The following MTHFD2L variants were observed in gnomAD, a reference collection of about 807,000 sequenced individuals.
The protein encoded by MTHFD2L is bifunctional methylenetetrahydrofolate dehydrogenase/cyclohydrolase 2, mitochondrial.
In MTHFD2L, 29 loss-of-function variants were observed where a neutral mutation model predicts 34.9. That is an observed-to-expected ratio of 0.83 (90% CI 0.62 to 1.13). MTHFD2L has a LOEUF of 1.13. Among genes scored for constraint, MTHFD2L ranks in the 50% most tolerant of loss-of-function variants. MTHFD2L has a pLI of 0.00. For synonymous variants in MTHFD2L, 167 were observed against 155.7 expected, an observed-to-expected ratio of 1.07 and a Z score of -0.54; for missense variants, 481 against 446.5, an observed-to-expected ratio of 1.08 and a Z score of -0.70.
intron 3 of MTHFD2L, chr4:74,194,821 C>T (rs1039472843): frequency 6.6e-6 from 1 of 151,626 alleles, no homozygotes; most frequent in African/African-American, 2.4e-5. Flanking sequence ...GTTTCTGTAC[C>T]TCACTTCTGA....
chr4:74,212,359 C>T (rs574885863), intron 5 of MTHFD2L, among the ~76,000 whole-genome samples: 1 of 152,304 alleles, frequency 6.6e-6, no homozygotes, highest in African/African-American at 2.4e-5. Context: ...CTAAAGACCA[C>T]ATTAGCTGTG....
At chr4:74,284,494 G>A (rs983534488) in intron 7 of MTHFD2L, among the ~76,000 whole-genome samples, 9 of 150,966 alleles carry the variant, frequency 6.0e-5, no homozygotes, top group Admixed American at 1.3e-4. Flanking sequence ...AGAAGTGTCC[G>A]TTAATATCCT....
upstream of MTHFD2L, chr4:74,157,439 A>T: frequency 1.7e-5 from 6 of 353,572 alleles, no homozygotes; most frequent in South Asian, 1.3e-4. Flanking sequence ...TTTCAGAGGG[A>T]GCAGATATTT....
rs1560531845 is a variant in MTHFD2L at position 74,251,652 on chromosome 4, C to T, written c.805+26258C>T. On this transcript the variant is annotated intron_variant, in intron 6 of 7. Transcript: ENST00000325278. ...TGCCTGAAAAACATGCCCTCACTGC[C>T]ACAAGCCAGGCTAAGTATCCCCCTC... Among the ~76,000 whole-genome samples the T allele has an allele frequency of 3.9e-5, 6 of 152,226 alleles. No homozygotes were observed. In the South Asian group the frequency reaches 1.2e-3, roughly 32 times the overall value.
chr4:74,276,843 A>G (rs982595279), intron 6 of MTHFD2L, among the ~76,000 whole-genome samples: 9 of 152,146 alleles, frequency 5.9e-5, no homozygotes, highest in African/African-American at 2.2e-4. Context: ...TATAATTTAT[A>G]TAATTATCTT....
At chr4:74,260,896 T>C (rs1255408180) in intron 6 of MTHFD2L, among the ~76,000 whole-genome samples, 1 of 147,654 alleles carries the variant, frequency 6.8e-6, no homozygotes, top group African/African-American at 2.6e-5. Context: ...TAAAAGTGTA[T>C]ACCCATTTGT....
At chr4:74,150,842 G>A (rs1723890847) in intron 1 of MTHFD2L, among the ~76,000 whole-genome samples, 1 of 151,786 alleles carries the variant, frequency 6.6e-6, no homozygotes, top group Non-Finnish European at 1.5e-5. Context: ...AAGGATAGGA[G>A]TAGCAATGTC....
intron 6 of MTHFD2L, among the ~76,000 whole-genome samples, chr4:74,255,153 A>G (rs918340672): frequency 2.0e-5 from 3 of 151,292 alleles, no homozygotes; most frequent in Admixed American, 6.6e-5. Flanking sequence ...AAAAAAAAAA[A>G]AAAAAAAAGA....
chr4:74,180,935 T>G (rs151131582), intron 3 of MTHFD2L: 1 of 179,978 alleles, frequency 5.6e-6, no homozygotes, highest in African/African-American at 2.4e-5. Context: ...ATTTTATTTT[T>G]TTTTAGCTTT....
At position 74,267,936 on chromosome 4, in the gene MTHFD2L, C is replaced by G. The variant is rs1001905626; in HGVS notation, c.806-13489C>G. ...ACTGGCCCTGAGCTCTGTAAGGAAC[C>G]TAGCACCATCCTGGTACCACAAGGA... On this transcript the variant is annotated intron_variant, in intron 6 of 7. Coordinates refer to ENST00000325278, the MANE Select transcript of MTHFD2L (RefSeq NM_001144978.3). 30 of 985,166 alleles carry G rather than the reference C, an allele frequency of 3.0e-5. No homozygotes were observed. The African/African-American group carries it at 4.9e-4, about 16-fold the overall frequency. 61.0% of individuals were successfully genotyped at this position (985,166 alleles called of 1,614,324 possible). A position where few individuals can be genotyped will look rare whatever the true frequency, so the allele number is the denominator to read the frequency against.
chr4:74,206,903 T>C (rs1180726179), intron 5 of MTHFD2L, among the ~76,000 whole-genome samples: 1 of 152,120 alleles, frequency 6.6e-6, no homozygotes, highest in African/African-American at 2.4e-5. Context: ...TATTTTAATT[T>C]TGAATTTTTA....
intron 2 of MTHFD2L, among the ~76,000 whole-genome samples, chr4:74,117,666 T>C (rs1721678392): frequency 6.6e-6 from 1 of 152,220 alleles, no homozygotes; most frequent in African/African-American, 2.4e-5. Flanking sequence ...AGTCACTCAG[T>C]GGCCTGAAAG....
intron 6 of MTHFD2L, among the ~76,000 whole-genome samples, chr4:74,229,577 A>C (rs1471288668): frequency 6.6e-6 from 1 of 152,210 alleles, no homozygotes. Flanking sequence ...TCTTGACACA[A>C]GCTTGAAGAA....
intron 3 of MTHFD2L, among the ~76,000 whole-genome samples, chr4:74,187,734 A>G (rs1166805199): frequency 2.4e-5 from 1 of 41,996 alleles, no homozygotes; most frequent in Non-Finnish European, 3.9e-5. Flanking sequence ...AACGTTAAAT[A>G]CACACACACA....
chr4:74,180,078 CTA>C (rs753074396), intron 3 of MTHFD2L, among the ~76,000 whole-genome samples: 1 of 151,928 alleles, frequency 6.6e-6, no homozygotes, highest in Non-Finnish European at 1.5e-5. Flanking sequence ...TCATTTTTAC[CTA>C]TGTTATAGAA....
chr4:74,262,949 C>A (rs1016242780), intron 6 of MTHFD2L, among the ~76,000 whole-genome samples: 1 of 151,800 alleles, frequency 6.6e-6, no homozygotes, highest in East Asian at 1.9e-4. Flanking sequence ...TAATTGAAAG[C>A]AGCTAAAACA....
At chr4:74,236,503 C>G (rs1740857551) in intron 6 of MTHFD2L, among the ~76,000 whole-genome samples, 1 of 152,230 alleles carries the variant, frequency 6.6e-6, no homozygotes, top group Non-Finnish European at 1.5e-5. Context: ...ATGGTCTCAC[C>G]TTGTCCTTTA....
At chr4:74,253,352 C>T (rs944626784) in intron 6 of MTHFD2L, among the ~76,000 whole-genome samples, 20 of 152,076 alleles carry the variant, frequency 1.3e-4, no homozygotes, top group African/African-American at 4.8e-4. Flanking sequence ...CTTGCTTCCT[C>T]ACAGAAACAT....
chr4:74,138,256 A>T (rs1219619480), intron 1 of MTHFD2L, among the ~76,000 whole-genome samples: 1 of 152,052 alleles, frequency 6.6e-6, no homozygotes, highest in Non-Finnish European at 1.5e-5. Context: ...ATGTCTTTGC[A>T]TTGAAGTATC....
Sources: gnomAD v4.1 joint callset for allele counts (sites outside exome capture counted in the v4.1 genomes callset) on GRCh38, gnomAD v4.1.1 for gene constraint, MANE v1.5 for transcripts, NCBI Gene and HGNC (gene_info 2026-07-23, HGNC 2026-07-21) for gene names.